The following ANKFN1 variants were observed in gnomAD, a reference collection of about 807,000 sequenced individuals.
ANKFN1 encodes ankyrin repeat and fibronectin type III domain containing 1, also known as ankyrin repeat and fibronectin type-III domain-containing protein 1.
A neutral mutation model predicts 108.7 loss-of-function variants in ANKFN1; 74 were observed. The observed-to-expected ratio is 0.68, with a 90% confidence interval of 0.56 to 0.83. The LOEUF (loss-of-function observed/expected upper bound fraction) is 0.83, where lower values mean the gene tolerates loss of function less well. ANKFN1 is among the 40% of genes least tolerant of loss of function. ANKFN1 has a pLI of 0.00. For synonymous variants in ANKFN1, 547 were observed against 516.2 expected, an observed-to-expected ratio of 1.06 and a Z score of -0.81; for missense variants, 1,505 against 1,382.3, an observed-to-expected ratio of 1.09 and a Z score of -1.41.
intron 4 of ANKFN1, among the ~76,000 whole-genome samples, chr17:56,342,452 T>C (rs1354169426): frequency 1.3e-5 from 2 of 152,088 alleles, no homozygotes; most frequent in African/African-American, 4.8e-5. Flanking sequence ...AATTTCCCTC[T>C]TAACACTGCC....
intron 11 of ANKFN1, among the ~76,000 whole-genome samples, chr17:56,453,154 T>C (rs2049551888): frequency 6.6e-6 from 1 of 152,164 alleles, no homozygotes; most frequent in African/African-American, 2.4e-5. Flanking sequence ...TCTAATAATG[T>C]TTTTCGATTT....
intron 4 of ANKFN1, among the ~76,000 whole-genome samples, chr17:56,066,063 G>A (rs765951717): frequency 3.3e-5 from 5 of 152,230 alleles, no homozygotes; most frequent in Non-Finnish European, 5.9e-5. Flanking sequence ...GGCCAGAACA[G>A]CAACAACAAA....
chr17:56,402,084 A>G (rs932834737), intron 8 of ANKFN1, among the ~76,000 whole-genome samples: 2 of 151,958 alleles, frequency 1.3e-5, no homozygotes, highest in African/African-American at 4.8e-5. Context: ...ATGTCATTGG[A>G]TTCAGTTAGC....
At chr17:56,109,460 C>T (rs1449867009) in intron 4 of ANKFN1, among the ~76,000 whole-genome samples, 2 of 152,130 alleles carry the variant, frequency 1.3e-5, no homozygotes, top group Admixed American at 6.5e-5. Context: ...AGTACCACCT[C>T]CCCCGTGGTG....
intron 4 of ANKFN1, among the ~76,000 whole-genome samples, chr17:56,113,712 A>G (rs768955592): frequency 1.3e-5 from 2 of 152,244 alleles, no homozygotes; most frequent in Non-Finnish European, 2.9e-5. Context: ...ATTGTTAACC[A>G]TAATAATAGT....
At chr17:56,247,739 C>G (rs1918059039) in intron 3 of ANKFN1, among the ~76,000 whole-genome samples, 1 of 152,162 alleles carries the variant, frequency 6.6e-6, no homozygotes, top group Non-Finnish European at 1.5e-5. Context: ...CTTTCTTCCA[C>G]ACTGACTTGC....
intron 1 of ANKFN1, among the ~76,000 whole-genome samples, chr17:56,154,491 C>G (rs1908904123): frequency 6.6e-6 from 1 of 152,128 alleles, no homozygotes; most frequent in South Asian, 2.1e-4. Context: ...TCTTTTCCTT[C>G]CTTTCTTTCT....
At chr17:56,256,149 G>A (rs2144090207) in intron 3 of ANKFN1, among the ~76,000 whole-genome samples, 1 of 152,276 alleles carries the variant, frequency 6.6e-6, no homozygotes, top group African/African-American at 2.4e-5. Flanking sequence ...CATCACCAGT[G>A]CTAGAGTTAG....
At chr17:56,431,774 C>A (rs78771273) in intron 8 of ANKFN1, among the ~76,000 whole-genome samples, 9 of 152,162 alleles carry the variant, frequency 5.9e-5, no homozygotes, top group African/African-American at 1.9e-4. Flanking sequence ...TTTGCTTTTG[C>A]CCCCGTGGCT....
At chr17:56,346,472 A>T (rs1567931712) in intron 4 of ANKFN1, among the ~76,000 whole-genome samples, 2 of 151,920 alleles carry the variant, frequency 1.3e-5, no homozygotes, top group African/African-American at 4.8e-5. Context: ...TTTACCATGA[A>T]TGTAAACTGT....
At chr17:56,346,628 A>G (rs1403143894) in intron 4 of ANKFN1, among the ~76,000 whole-genome samples, 1 of 151,950 alleles carries the variant, frequency 6.6e-6, no homozygotes, top group Non-Finnish European at 1.5e-5. Context: ...AATATCCCAG[A>G]TCCTGAAAAA....
At chr17:56,181,395 T>C (rs1911663758) in intron 1 of ANKFN1, among the ~76,000 whole-genome samples, 1 of 152,220 alleles carries the variant, frequency 6.6e-6, no homozygotes, top group Non-Finnish European at 1.5e-5. Context: ...AAGCACTTTA[T>C]ATAAATAGTG....
At chr17:56,372,951 C>T (rs997102112) in intron 7 of ANKFN1, 111 bp downstream of exon 7, 64 of 1,089,500 alleles carry the variant, frequency 5.9e-5, no homozygotes, top group Non-Finnish European at 7.9e-5. Context: ...CATGGATGGC[C>T]GTTGTCAGCC....
In ANKFN1 at chr17:56,123,795, T is replaced by TTGTGTGTG. The variant is rs58283151; in HGVS notation, c.288+77493_288+77500dup. 1.9e-3 allele frequency among the ~76,000 whole-genome samples: 276 copies of TTGTGTGTG among 144,808 alleles called. 2 individuals are homozygous for TTGTGTGTG. The highest frequency in any genetic ancestry group is 5.7e-3 in the African/African-American group (220 of 38,900). The allele number at this position is 144,808 out of a possible 152,430, so 95.0% of individuals were successfully genotyped here. ...TGTGTGAGCCTGTGTGCATGACTGATTGTGTGTGTGTGTGTGTGTGTGTGT... is the reference window on the plus strand; with the variant it reads ...TGTGTGAGCCTGTGTGCATGACTGATTGTGTGTGTGTGTGTGTGTGTGTGTGTGTGTGT... On this transcript the variant is annotated intron_variant, in intron 4 of 12. Coordinates refer to the ANKFN1 transcript ENST00000635860.
chr17:56,174,910 A>T lies in ANKFN1; in HGVS notation c.-71+21380A>T, dbSNP rs563376358. Among the ~76,000 whole-genome samples, 24 of 152,270 alleles carry T rather than the reference A, an allele frequency of 1.6e-4. No homozygotes were observed. The South Asian group carries it at 4.6e-3, about 29-fold the overall frequency. ...ACTCAGGTCAAAATGAGTCTAAAAG[A>T]TACATAAGCTTAAGTGGACCTTCTT... On this transcript the variant is annotated intron_variant, in intron 1 of 20. Transcript: ENST00000682825.
At chr17:56,089,343 C>T (rs1031313963) in intron 4 of ANKFN1, among the ~76,000 whole-genome samples, 2 of 151,298 alleles carry the variant, frequency 1.3e-5, no homozygotes, top group Non-Finnish European at 3.0e-5. Context: ...GGTTTTACTA[C>T]CATAAATAAT....
At chr17:56,086,140 C>T (rs551785396) in intron 4 of ANKFN1, among the ~76,000 whole-genome samples, 12 of 150,906 alleles carry the variant, frequency 8.0e-5, no homozygotes, top group South Asian at 4.2e-4. Flanking sequence ...GGTGCAGTGC[C>T]GCACACCTGT....
intron 12 of ANKFN1, 69 bp downstream of exon 12, chr17:56,457,029 G>A: frequency 7.0e-7 from 1 of 1,428,178 alleles, no homozygotes; most frequent in Non-Finnish European, 9.6e-7. Flanking sequence ...GTTCTGAGTA[G>A]AAACTTGGTA....
At chr17:56,267,257 C>T (rs1325608176) in intron 3 of ANKFN1, among the ~76,000 whole-genome samples, 4 of 151,982 alleles carry the variant, frequency 2.6e-5, no homozygotes, top group Non-Finnish European at 2.9e-5. Context: ...ATGTCTTTGC[C>T]CATTTTTTAA....
Sources: gnomAD v4.1 joint callset for allele counts (sites outside exome capture counted in the v4.1 genomes callset) on GRCh38, gnomAD v4.1.1 for gene constraint, MANE v1.5 for transcripts, NCBI Gene and HGNC (gene_info 2026-07-23, HGNC 2026-07-21) for gene names.